The following PTPN21 variants were observed in gnomAD, a reference collection of about 807,000 sequenced individuals.
PTPN21 encodes the protein tyrosine-protein phosphatase non-receptor type 21.
A neutral mutation model predicts 131.8 loss-of-function variants in PTPN21; 77 were observed. That is an observed-to-expected ratio of 0.58 (90% CI 0.49 to 0.71). The LOEUF is 0.71. Ranked by LOEUF, PTPN21 falls within the 30% of genes least tolerant of loss-of-function variation. The pLI is 0.00. For missense variants in PTPN21, 1,552 were observed against 1,527.1 expected, an observed-to-expected ratio of 1.02 and a Z score of -0.27; for synonymous variants, 715 against 621.3, an observed-to-expected ratio of 1.15 and a Z score of -2.24.
chr14:88,520,335 A>T (rs1488848310), intron 2 of PTPN21, among the ~76,000 whole-genome samples: 1 of 151,972 alleles, frequency 6.6e-6, no homozygotes, highest in East Asian at 1.9e-4. Context: ...TGAACCCAGG[A>T]GGTAGACAGA....
In PTPN21 at chr14:88,496,346, G is replaced by A. The variant is rs1278251679; in HGVS notation, c.932+67C>T. ...ATAAAATGTCTTTCTTGATGATACA[G>A]TATACTCAAGATTACAATTTCTAAA... On this transcript the variant is annotated intron_variant, in intron 10 of 18. Transcript: ENST00000556564. 13 of 1,336,758 alleles carry A rather than the reference G, an allele frequency of 9.7e-6. No individual in the cohort carries two copies. The South Asian group carries it at 1.2e-4, about 12-fold the overall frequency. 82.8% of individuals were successfully genotyped at this position (1,336,758 alleles called of 1,614,324 possible).
intron 3 of PTPN21, among the ~76,000 whole-genome samples, chr14:88,516,230 G>A (rs148064137): frequency 4.6e-5 from 7 of 152,136 alleles, no homozygotes; most frequent in Non-Finnish European, 8.8e-5. Flanking sequence ...ATTCTATCCT[G>A]GGGTCATAGA....
At chr14:88,510,232 G>GA (rs1277780540) in intron 3 of PTPN21, among the ~76,000 whole-genome samples, 1 of 152,106 alleles carries the variant, frequency 6.6e-6, no homozygotes, top group Non-Finnish European at 1.5e-5. Context: ...GCTATACCAG[G>GA]AAAATGTATC....
chr14:88,499,813 A>T lies in PTPN21; in HGVS notation c.764+970T>A, dbSNP rs192487519. Among the ~76,000 whole-genome samples the T allele has an allele frequency of 1.2e-3, 176 of 152,334 alleles. 4 individuals carry two copies. The highest frequency in any genetic ancestry group is 4.0e-3 in the African/African-American group (166 of 41,580). On this transcript the variant is annotated intron_variant, in intron 8 of 18. Coordinates refer to ENST00000556564, the MANE Select transcript of PTPN21 (RefSeq NM_007039.4). ...GACATGAACTTTGGGTTTTCCAGAT[A>T]ACAGATTTTAAGGAATTAAAGGTAG...
At chr14:88,552,306 C>T (rs1164182553) in intron 1 of PTPN21, 1 of 152,232 alleles carries the variant, frequency 6.6e-6, no homozygotes, top group African/African-American at 2.4e-5. Context: ...AAGGGTTCCG[C>T]TACTACCCTC....
At chr14:88,493,328 T>A (rs1441570090) in intron 10 of PTPN21, among the ~76,000 whole-genome samples, 1 of 152,168 alleles carries the variant, frequency 6.6e-6, no homozygotes, top group Non-Finnish European at 1.5e-5. Context: ...GTGGTGTCTA[T>A]GGGGGCTGTA....
At chr14:88,504,629 G>A (rs1308580607) in intron 5 of PTPN21, 134 bp from the exon 6 acceptor site, 6 of 604,310 alleles carry the variant, frequency 9.9e-6, no homozygotes, top group African/African-American at 1.9e-5. Context: ...TGGGAGCTTT[G>A]TTTACATAGG....
Position 88,551,100 on chromosome 14 carries a change from C to G in PTPN21, c.-202-481G>C, listed in dbSNP as rs1478608645. The G allele has an allele frequency of 2.6e-5, 4 of 152,314 alleles. No individual in the cohort carries two copies. In the East Asian group the frequency reaches 7.7e-4, roughly 29 times the overall value. The allele number at this position is 152,314 out of a possible 1,614,324, so 9.4% of individuals were successfully genotyped here. A position where few individuals can be genotyped will look rare whatever the true frequency, so the allele number is the denominator to read the frequency against. On this transcript the variant is annotated intron_variant, in intron 1 of 18. Transcript: ENST00000556564. ...CCTGAAGGCAAATGGGAGGAATAAT[C>G]CCCACTAAGAAAGGCAGGTGTGTGA...
At chr14:88,509,496 TAAG>T (rs1239964904) in intron 3 of PTPN21, among the ~76,000 whole-genome samples, 4 of 152,182 alleles carry the variant, frequency 2.6e-5, no homozygotes, top group Admixed American at 6.5e-5. Flanking sequence ...TCCATTCAAG[TAAG>T]AAGAATTTGG....
At chr14:88,519,055 A>G (rs1204668028) in intron 2 of PTPN21, among the ~76,000 whole-genome samples, 1 of 152,132 alleles carries the variant, frequency 6.6e-6, no homozygotes, top group African/African-American at 2.4e-5. Flanking sequence ...AAATAACGTT[A>G]GTGTATTACT....
rs1176751068 is a variant in PTPN21 at position 88,480,012 on chromosome 14, T to TA, written c.1418_1419insT (p.Asn474LysfsTer225). The stretch of plus-strand genomic sequence containing the variant: ...CGTACGAGCTGCCGATGTTGAGGTT[T>TA]CGCAGCGAGTGGCTCTGCCGTTCCG... On this transcript the variant is annotated frameshift_variant, in exon 13 of 19. Coordinates refer to ENST00000556564, the MANE Select transcript of PTPN21 (RefSeq NM_007039.4). LOFTEE classifies it high-confidence loss of function. The TA allele has an allele frequency of 1.9e-6, 3 of 1,613,238 alleles. No individual in the cohort carries two copies. Among genetic ancestry groups the TA allele is most frequent in the Non-Finnish European group, 2.5e-6 (3 of 1,180,028 alleles).
chr14:88,506,182 T>A (rs574977713), intron 4 of PTPN21, among the ~76,000 whole-genome samples: 1 of 151,984 alleles, frequency 6.6e-6, no homozygotes, highest in Admixed American at 6.6e-5. Flanking sequence ...CTATAAAAAA[T>A]TTTAAAAATC....
In PTPN21 at chr14:88,480,064, T is replaced by C; in HGVS notation, c.1367A>G (p.Lys456Arg). The C allele has an allele frequency of 6.2e-7, 1 of 1,614,122 alleles. No individual in the cohort carries two copies. Among genetic ancestry groups the C allele is most frequent in the Non-Finnish European group, 8.5e-7 (1 of 1,180,034 alleles). ...ATGCACCAGGCCCCTGTTGAGCTGC[T>C]TCATCACAGTCTCATAGTCTGGGGT... ...RPTPDYETVMKQLNRGLVHAE... is the reference protein window; with the variant it reads ...RPTPDYETVMRQLNRGLVHAE... Residue 456 changes from lysine to arginine, a missense_variant, in exon 13 of 19, where the codon AAG (lysine) becomes AGG (arginine). Lys to Arg is a conservative substitution (Grantham distance 26). Around this residue, in one of 4 missense-constraint regions of PTPN21, gnomAD observed 1,016 missense variants for 883.5 expected, o/e 1.15. Transcript: ENST00000556564.
chr14:88,545,455 G>C (rs1429436382), intron 2 of PTPN21, among the ~76,000 whole-genome samples: 1 of 152,116 alleles, frequency 6.6e-6, no homozygotes. Context: ...CCATGCCCAG[G>C]TGGCCACTTG....
At chr14:88,517,482 C>T (rs866254301) in intron 2 of PTPN21, among the ~76,000 whole-genome samples, 3 of 151,952 alleles carry the variant, frequency 2.0e-5, no homozygotes, top group Non-Finnish European at 4.4e-5. Context: ...CTCAATTGCT[C>T]TTGCATATCA....
rs1472539954 is a variant in PTPN21 at position 88,467,407 on chromosome 14, G to A, written c.*730C>T. 6.6e-6 allele frequency: 1 copy of A among 152,082 alleles called. No homozygotes were observed. Among genetic ancestry groups the A allele is most frequent in the Non-Finnish European group, 1.5e-5 (1 of 68,030 alleles). The allele number at this position is 152,082 out of a possible 1,614,324, so 9.4% of individuals were successfully genotyped here. A position where few individuals can be genotyped will look rare whatever the true frequency, so the allele number is the denominator to read the frequency against. ...TATTCTCTTACATTTTAAATAATGT[G>A]CCTTCATCCTCAACTTTACATTAAC... On this transcript the variant is annotated 3_prime_UTR_variant, in exon 19 of 19. Coordinates refer to ENST00000556564, the MANE Select transcript of PTPN21 (RefSeq NM_007039.4).
chr14:88,479,936 G>T lies in PTPN21; in HGVS notation c.1495C>A (p.His499Asn). The T allele has an allele frequency of 6.2e-7, 1 of 1,605,992 alleles. No homozygotes were observed. Among genetic ancestry groups the T allele is most frequent in the Non-Finnish European group, 8.5e-7 (1 of 1,179,714 alleles). ...LVYSQPEIREHAQLPSPAAAH... is the reference protein window; with the variant it reads ...LVYSQPEIRENAQLPSPAAAH... ...GCCGCTGGCGAGGGGAGCTGTGCGTGCTCGCGGATCTCGGGCTGGCTGTAG... is the reference window on the plus strand; with the variant it reads ...GCCGCTGGCGAGGGGAGCTGTGCGTTCTCGCGGATCTCGGGCTGGCTGTAG... Residue 499 changes from histidine (H) to asparagine (N), a missense_variant, in exon 13 of 19, where the codon CAC becomes AAC. Transcript: ENST00000556564.
intron 3 of PTPN21, among the ~76,000 whole-genome samples, chr14:88,508,870 C>G (rs1227975111): frequency 1.3e-5 from 2 of 152,284 alleles, no homozygotes; most frequent in South Asian, 4.1e-4. Context: ...CTTCTGTTTA[C>G]CACCCTGTTT....
At chr14:88,493,838 T>G (rs2077863115) in intron 10 of PTPN21, among the ~76,000 whole-genome samples, 1 of 152,196 alleles carries the variant, frequency 6.6e-6, no homozygotes, top group East Asian at 1.9e-4. Flanking sequence ...TCCTAAGGGA[T>G]CTTACAGCAC....
Sources: gnomAD v4.1 joint callset for allele counts (sites outside exome capture counted in the v4.1 genomes callset) on GRCh38, gnomAD v4.1.1 for gene constraint, gnomAD v4.1.1 regional missense constraint, MANE v1.5 for transcripts, NCBI Gene and HGNC (gene_info 2026-07-23, HGNC 2026-07-21) for gene names.